SECISBP2L: variants seen among roughly 807,000 people sequenced by gnomAD.
SECISBP2L encodes selenocysteine insertion sequence-binding protein 2-like.
In SECISBP2L, 43 loss-of-function variants were observed where a neutral mutation model predicts 114.7. The observed-to-expected ratio is 0.38, with a 90% CI of 0.29 to 0.48. SECISBP2L has a LOEUF of 0.48. SECISBP2L is among the 20% of genes least tolerant of loss of function. SECISBP2L has a pLI of 0.98. For synonymous variants in SECISBP2L, 451 were observed against 439.7 expected (o/e 1.03, Z -0.32); for missense variants, 1,136 against 1,301.1 (o/e 0.87, Z 1.95).
At chr15:49,043,360 T>G (rs1178592549) in intron 1 of SECISBP2L, among the ~76,000 whole-genome samples, 1 of 152,146 alleles carries the variant, frequency 6.6e-6, no homozygotes, top group Non-Finnish European at 1.5e-5. Flanking sequence ...TTTCCAAAAA[T>G]TAAAGACATT....
intron 1 of SECISBP2L, among the ~76,000 whole-genome samples, chr15:49,043,984 C>A (rs1903193037): frequency 6.6e-6 from 1 of 151,464 alleles, no homozygotes. Flanking sequence ...TAAAGTTACA[C>A]TTGTAAAGTA....
chr15:49,025,841 T>G (rs1013120710), intron 7 of SECISBP2L, among the ~76,000 whole-genome samples: 1 of 152,092 alleles, frequency 6.6e-6, no homozygotes, highest in Non-Finnish European at 1.5e-5. Flanking sequence ...CCTCAAAAAC[T>G]AAAAAAGAAC....
At chr15:48,993,325 A>G (rs537727808) in intron 17 of SECISBP2L, among the ~76,000 whole-genome samples, 3 of 152,286 alleles carry the variant, frequency 2.0e-5, no homozygotes, top group Admixed American at 1.3e-4. Flanking sequence ...ATTCCCAAAA[A>G]TGTACATTCA....
intron 5 of SECISBP2L, 43 bp from the exon 6 acceptor site, chr15:49,028,211 C>A (rs1403793766): frequency 4.0e-6 from 6 of 1,510,090 alleles, no homozygotes; most frequent in African/African-American, 1.4e-5. Context: ...TACTTGAGAA[C>A]CAACATTATG....
In SECISBP2L at chr15:49,012,753, C is replaced by T; in HGVS notation, c.1626G>A (p.Gln542=). 6.2e-7 allele frequency: 1 copy of T among 1,613,886 alleles called. No individual in the cohort carries two copies. The highest frequency in any genetic ancestry group is 8.5e-7 in the Non-Finnish European group (1 of 1,179,940). ...STNRKPLTKS[Q]PCLTSFNSVD... Reference sequence around the variant, plus strand: ...CAGAATTAAAGGATGTCAAACAGGGCTGACTTTTGGTTAAAGGTTTTCTAT... The same window carrying T: ...CAGAATTAAAGGATGTCAAACAGGGTTGACTTTTGGTTAAAGGTTTTCTAT... The change falls in exon 12 of 18, where the codon CAG becomes CAA. Residue 542 remains glutamine (Q), a synonymous_variant. Coordinates refer to ENST00000559471, the MANE Select transcript of SECISBP2L (RefSeq NM_001193489.2).
chr15:48,997,495 A>G (rs931416810), intron 16 of SECISBP2L, among the ~76,000 whole-genome samples: 2 of 152,232 alleles, frequency 1.3e-5, no homozygotes, highest in Non-Finnish European at 2.9e-5. Context: ...AAAAAACCAG[A>G]TGTTCTTTCA....
chr15:49,046,389 G>T lies in SECISBP2L; in HGVS notation c.-90C>A. The T allele has an allele frequency of 7.5e-7, 1 of 1,330,680 alleles. No homozygotes were observed. 82.4% of individuals were successfully genotyped at this position (1,330,680 alleles called of 1,614,324 possible). On this transcript the variant is annotated 5_prime_UTR_variant, in exon 1 of 18. Coordinates refer to ENST00000559471, the MANE Select transcript of SECISBP2L (RefSeq NM_001193489.2). ...ATGGCCCCCCGCTCGGGTCCAGACTGGGTTCCGGACCTCCGCCCCTATCTG... is the reference window on the plus strand; with the variant it reads ...ATGGCCCCCCGCTCGGGTCCAGACTTGGTTCCGGACCTCCGCCCCTATCTG...
At chr15:49,012,947 T>C (rs1902466321) in intron 11 of SECISBP2L, 130 bp from the exon 12 acceptor site, 1 of 809,942 alleles carries the variant, frequency 1.2e-6, no homozygotes, top group African/African-American at 1.7e-5. Flanking sequence ...GTAGGAGCAC[T>C]ATACATGGCT....
At chr15:49,000,459 G>C (rs1434480230) in intron 15 of SECISBP2L, among the ~76,000 whole-genome samples, 1 of 152,178 alleles carries the variant, frequency 6.6e-6, no homozygotes, top group Non-Finnish European at 1.5e-5. Context: ...CCATCGAAAA[G>C]GACAAATAAG....
chr15:49,016,085 G>C (rs1020077368), intron 11 of SECISBP2L, among the ~76,000 whole-genome samples: 3 of 152,350 alleles, frequency 2.0e-5, no homozygotes, highest in Non-Finnish European at 4.4e-5. Flanking sequence ...TATGGCTTTA[G>C]TTAGGAGTCT....
chr15:49,029,624 A>C (rs1486668850), intron 4 of SECISBP2L, among the ~76,000 whole-genome samples: 1 of 152,184 alleles, frequency 6.6e-6, no homozygotes, highest in African/African-American at 2.4e-5. Flanking sequence ...TGATACACAG[A>C]CACATGAACA....
chr15:49,035,027 T>A (rs1902977270), intron 3 of SECISBP2L, among the ~76,000 whole-genome samples: 2 of 152,198 alleles, frequency 1.3e-5, no homozygotes, highest in African/African-American at 2.4e-5. Flanking sequence ...ACTAATCACT[T>A]ACAAATGTTA....
At chr15:49,015,635 G>C (rs1458110234) in intron 11 of SECISBP2L, among the ~76,000 whole-genome samples, 1 of 152,024 alleles carries the variant, frequency 6.6e-6, no homozygotes, top group African/African-American at 2.4e-5. Context: ...AGAAATGAGG[G>C]AACACAGAAA....
At position 49,046,294 on chromosome 15, in the gene SECISBP2L, G is replaced by A. The variant is rs776428713; in HGVS notation, c.6C>T (p.Asp2=). 5.1e-6 allele frequency: 8 copies of A among 1,554,490 alleles called. No homozygotes were observed. The highest frequency in any genetic ancestry group is 6.9e-6 in the Non-Finnish European group (8 of 1,151,776). ...CGCGTACCTGCTCCGTGGGGGCTCGGTCCATGGTGCCTGCAGCCGCAACGG... is the reference window on the plus strand; with the variant it reads ...CGCGTACCTGCTCCGTGGGGGCTCGATCCATGGTGCCTGCAGCCGCAACGG... M[D]RAPTEQNVKL... The change falls in exon 1 of 18, where the codon GAC becomes GAT. Residue 2 remains aspartate, a synonymous_variant. Coordinates refer to ENST00000559471, the MANE Select transcript of SECISBP2L (RefSeq NM_001193489.2).
chr15:49,005,946 T>C (rs559949565), intron 14 of SECISBP2L, among the ~76,000 whole-genome samples: 2 of 152,304 alleles, frequency 1.3e-5, no homozygotes, highest in East Asian at 1.9e-4. Flanking sequence ...AAGGCAGGCA[T>C]GGTGGTGACA....
chr15:49,016,522 A>T, intron 11 of SECISBP2L, 38 bp downstream of exon 11: 1 of 1,567,924 alleles, frequency 6.4e-7, no homozygotes. Context: ...ATATATTAGC[A>T]GAGACAAACA....
At position 48,988,784 on chromosome 15, in the gene SECISBP2L, C is replaced by A. The variant is rs1396178596; in HGVS notation, c.*3460G>T. 2 of 234,578 alleles carry A rather than the reference C, an allele frequency of 8.5e-6. No individual in the cohort carries two copies. Among genetic ancestry groups the A allele is most frequent in the South Asian group, 5.6e-5 (1 of 17,896 alleles). 14.5% of individuals were successfully genotyped at this position (234,578 alleles called of 1,614,324 possible). ...GAAAATCCCTTCATGTTATAACTCA[C>A]ACTAATTTTGCTAGTTTTTTATTAG... On this transcript the variant is annotated 3_prime_UTR_variant, in exon 18 of 18. Coordinates refer to ENST00000559471, the MANE Select transcript of SECISBP2L (RefSeq NM_001193489.2).
chr15:49,004,625 C>A (rs550762282), intron 14 of SECISBP2L, among the ~76,000 whole-genome samples: 11 of 152,288 alleles, frequency 7.2e-5, no homozygotes, highest in Admixed American at 1.3e-4. Context: ...GATTCTAGTA[C>A]GTTGTGTCTT....
intron 7 of SECISBP2L, among the ~76,000 whole-genome samples, chr15:49,021,904 TAGAA>T (rs968750013): frequency 1.8e-4 from 28 of 152,258 alleles, no homozygotes; most frequent in Middle Eastern, 3.4e-3. Context: ...GTTTTGTTGA[TAGAA>T]AGAGGGTATA....
Sources: gnomAD v4.1 joint callset for allele counts (sites outside exome capture counted in the v4.1 genomes callset) on GRCh38, gnomAD v4.1.1 for gene constraint, MANE v1.5 for transcripts, NCBI Gene and HGNC (gene_info 2026-07-23, HGNC 2026-07-21) for gene names.